Variants in XKR4 observed in about 807,000 individuals in gnomAD.
XKR4 encodes the protein XK-related protein 4.
In XKR4, 12 loss-of-function variants were observed where a neutral mutation model predicts 53.9. The observed-to-expected ratio is 0.22, with a 90% CI of 0.14 to 0.36. The LOEUF is 0.36. XKR4 is among the 10% of genes least tolerant of loss of function. The probability of loss-of-function intolerance (pLI) is 1.00; values close to 1 mark genes in which losing one functional copy is unlikely to be tolerated. For synonymous variants in XKR4, 354 were observed against 362.4 expected (o/e 0.98, Z 0.26); for missense variants, 799 against 859.5 (o/e 0.93, Z 0.88).
intron 1 of XKR4, among the ~76,000 whole-genome samples, chr8:55,271,731 T>C (rs1438412044): frequency 2.0e-5 from 3 of 152,216 alleles, no homozygotes; most frequent in Non-Finnish European, 4.4e-5. Context: ...CTTTCTTTGG[T>C]TGGTCTTAAG....
intron 1 of XKR4, among the ~76,000 whole-genome samples, chr8:55,236,593 G>A (rs1818130234): frequency 6.6e-6 from 1 of 152,094 alleles, no homozygotes; most frequent in South Asian, 2.1e-4. Flanking sequence ...TGGGTGACCA[G>A]ACTCAATTGT....
At chr8:55,259,464 C>T (rs1433157087) in intron 1 of XKR4, among the ~76,000 whole-genome samples, 11 of 152,088 alleles carry the variant, frequency 7.2e-5, no homozygotes, top group Admixed American at 7.2e-4. Flanking sequence ...ACGGAGAGTG[C>T]CCAAGGTTAC....
rs116948168 is a variant in XKR4 at position 55,494,271 on chromosome 8, A to G, written c.1007-29010A>G. Reference sequence around the variant, plus strand: ...GGCACTAGGGAACATAGTGGTGCCCACAAGCTTGGAGATGCCAGGAACCAC... The same window carrying G: ...GGCACTAGGGAACATAGTGGTGCCCGCAAGCTTGGAGATGCCAGGAACCAC... On this transcript the variant is annotated intron_variant, in intron 2 of 2. Coordinates refer to ENST00000327381, the MANE Select transcript of XKR4 (RefSeq NM_052898.2). Among the ~76,000 whole-genome samples, 466 of 152,372 alleles carry G rather than the reference A, an allele frequency of 3.1e-3. 15 individuals carry two copies. The South Asian group carries it at 0.042, about 14-fold the overall frequency.
chr8:55,225,982 C>T (rs1231271142), intron 1 of XKR4, among the ~76,000 whole-genome samples: 3 of 152,212 alleles, frequency 2.0e-5, no homozygotes, highest in Non-Finnish European at 4.4e-5. Flanking sequence ...GGACCCTTGC[C>T]TCTGTCTGGC....
At chr8:55,320,611 G>A (rs1228274267) in intron 1 of XKR4, among the ~76,000 whole-genome samples, 1 of 152,128 alleles carries the variant, frequency 6.6e-6, no homozygotes, top group East Asian at 1.9e-4. Flanking sequence ...TATTAGGTCT[G>A]CCTCAGATCC....
intron 1 of XKR4, chr8:55,142,134 C>A: frequency 2.2e-6 from 1 of 456,098 alleles, no homozygotes; most frequent in Non-Finnish European, 4.4e-6. Flanking sequence ...TCCATTCTTT[C>A]CCCCACAGGG....
chr8:55,239,798 G>T (rs73682920), intron 1 of XKR4, among the ~76,000 whole-genome samples: 2 of 151,970 alleles, frequency 1.3e-5, no homozygotes, highest in Non-Finnish European at 2.9e-5. Context: ...ATTCCATCCC[G>T]CAGCTTTCAA....
intron 2 of XKR4, among the ~76,000 whole-genome samples, chr8:55,460,056 C>G (rs916294792): frequency 7.3e-6 from 1 of 137,852 alleles, no homozygotes; most frequent in Non-Finnish European, 1.6e-5. Context: ...AATGCATAAA[C>G]AAAATATAGT....
At chr8:55,296,354 C>T (rs545372103) in intron 1 of XKR4, among the ~76,000 whole-genome samples, 1 of 152,284 alleles carries the variant, frequency 6.6e-6, no homozygotes, top group East Asian at 1.9e-4. Flanking sequence ...ACTGAACGTC[C>T]ATATGGCCAG....
At chr8:55,319,996 T>G (rs1057241472) in intron 1 of XKR4, among the ~76,000 whole-genome samples, 14 of 152,200 alleles carry the variant, frequency 9.2e-5, no homozygotes, top group Non-Finnish European at 8.8e-5. Context: ...TCTCTCCCAG[T>G]TTCTTGCTGG....
chr8:55,310,796 G>T (rs150871856), intron 1 of XKR4, among the ~76,000 whole-genome samples: 1 of 152,294 alleles, frequency 6.6e-6, no homozygotes, highest in African/African-American at 2.4e-5. Flanking sequence ...TGGGAGATTC[G>T]TGAGAAAAGG....
chr8:55,406,104 CTGAGACA>C (rs1166942665), intron 2 of XKR4, among the ~76,000 whole-genome samples: 1 of 152,186 alleles, frequency 6.6e-6, no homozygotes, highest in East Asian at 1.9e-4. Context: ...GAAATCTGAT[CTGAGACA>C]TGGCCTTTGG....
chr8:55,206,829 T>A (rs1217983081), intron 1 of XKR4, among the ~76,000 whole-genome samples: 2 of 152,236 alleles, frequency 1.3e-5, no homozygotes, highest in Non-Finnish European at 2.9e-5. Context: ...AAATCCCATA[T>A]AGTTATTGCA....
At chr8:55,402,075 AATCT>A (rs1227152036) in intron 2 of XKR4, among the ~76,000 whole-genome samples, 1 of 152,144 alleles carries the variant, frequency 6.6e-6, no homozygotes, top group African/African-American at 2.4e-5. Flanking sequence ...TTCTGTATTC[AATCT>A]GTTGCAATAG....
chr8:55,479,995 C>T (rs1187963998), intron 2 of XKR4, among the ~76,000 whole-genome samples: 6 of 151,260 alleles, frequency 4.0e-5, no homozygotes, highest in Non-Finnish European at 8.8e-5. Flanking sequence ...GTTACCAGTC[C>T]TTCTGAAACT....
At chr8:55,197,535 G>C (rs1305837459) in intron 1 of XKR4, among the ~76,000 whole-genome samples, 3 of 150,136 alleles carry the variant, frequency 2.0e-5, no homozygotes, top group Non-Finnish European at 4.4e-5. Context: ...AAAGCGCTGG[G>C]TTCAGCTAAA....
intron 1 of XKR4, among the ~76,000 whole-genome samples, chr8:55,259,601 A>G (rs1471806434): frequency 6.6e-6 from 1 of 152,118 alleles, no homozygotes; most frequent in Non-Finnish European, 1.5e-5. Flanking sequence ...CCCTGGCTTG[A>G]TGTGCGTGAG....
intron 1 of XKR4, among the ~76,000 whole-genome samples, chr8:55,197,292 A>T (rs1817518087): frequency 6.6e-6 from 1 of 152,144 alleles, no homozygotes; most frequent in Admixed American, 6.5e-5. Context: ...ACACCTCTAT[A>T]TTAGGTGATA....
At chr8:55,326,535 A>G (rs1803297366) in intron 1 of XKR4, among the ~76,000 whole-genome samples, 3 of 140,902 alleles carry the variant, frequency 2.1e-5, no homozygotes, top group South Asian at 2.3e-4. Flanking sequence ...CAGTGGCCCA[A>G]TCTCGGCTCA....
Sources: allele counts gnomAD v4.1 joint callset (sites outside exome capture counted in the v4.1 genomes callset), GRCh38; gene constraint gnomAD v4.1.1; transcripts MANE v1.5; gene names NCBI Gene and HGNC (gene_info 2026-07-23, HGNC 2026-07-21).